The following MTMR3 variants were observed in gnomAD, a reference collection of about 807,000 sequenced individuals.
MTMR3 encodes myotubularin related protein 3.
In MTMR3, 32 loss-of-function variants were observed where a neutral mutation model predicts 132.4. The ratio of observed to expected loss-of-function variants is 0.24; its 90% CI spans 0.18 to 0.32. MTMR3 has a LOEUF of 0.32. MTMR3 is among the 10% of genes least tolerant of loss of function. The pLI is 1.00. For missense variants in MTMR3, 1,216 were observed against 1,489.6 expected (o/e 0.82, Z 3.02); for synonymous variants, 556 against 550.3 (o/e 1.01, Z -0.14).
chr22:29,887,511 G>A (rs975016300), intron 1 of MTMR3, among the ~76,000 whole-genome samples: 2 of 152,172 alleles, frequency 1.3e-5, no homozygotes, highest in African/African-American at 4.8e-5. Context: ...CAATATCACT[G>A]ATATGGCAAC....
chr22:29,903,221 T>G (rs1046743866), intron 1 of MTMR3, among the ~76,000 whole-genome samples: 12 of 151,836 alleles, frequency 7.9e-5, no homozygotes, highest in African/African-American at 2.9e-4. Context: ...TGAGACTCCA[T>G]CTCAAAAAAA....
chr22:30,020,338 C>T lies in MTMR3; in HGVS notation c.2679C>T (p.Pro893=). The T allele has an allele frequency of 6.2e-7, 1 of 1,614,186 alleles. No individual in the cohort carries two copies. Among genetic ancestry groups the T allele is most frequent in the Non-Finnish European group, 8.5e-7 (1 of 1,180,036 alleles). ...CAGAGACAAGCCTGGTCGAGAGGCC[C>T]CAAGTGGGGTCTGTGGTGCATAGGA... ...SPSETSLVER[P]QVGSVVHRTS... The change falls in exon 17 of 20, where the codon CCC becomes CCT. Residue 893 remains proline, a synonymous_variant. Transcript: ENST00000401950.
chr22:29,937,816 A>G (rs1262372565), intron 1 of MTMR3, among the ~76,000 whole-genome samples: 3 of 152,216 alleles, frequency 2.0e-5, no homozygotes, highest in Admixed American at 2.0e-4. Context: ...TTAAAAAATG[A>G]TGGAGCAAAC....
intron 14 of MTMR3, chr22:30,015,248 G>A (rs2067551094): frequency 6.7e-6 from 1 of 150,036 alleles, no homozygotes; most frequent in Non-Finnish European, 1.5e-5. Context: ...TAAGAGATGG[G>A]GTCTTGCTTT....
In MTMR3 at chr22:29,916,163, T is replaced by C. The variant is rs184011929; in HGVS notation, c.-138+32804T>C. Among the ~76,000 whole-genome samples, 6 of 152,322 alleles carry C rather than the reference T, an allele frequency of 3.9e-5. No homozygotes were observed. In the East Asian group the frequency reaches 1.2e-3, roughly 29 times the overall value. ...TGGGCCTGTAGAGGAGCCTTTGCCC[T>C]CGGGCTAGTTGAGCTGTGTTTATAA... On this transcript the variant is annotated intron_variant, in intron 1 of 19. Transcript: ENST00000401950.
chr22:29,983,930 C>T (rs1046469734), intron 5 of MTMR3: 4 of 151,902 alleles, frequency 2.6e-5, no homozygotes, highest in Admixed American at 2.6e-4. Context: ...AGCCACTGCA[C>T]TCAATTTTTT....
At position 30,020,167 on chromosome 22, in the gene MTMR3, G is replaced by A; in HGVS notation, c.2508G>A (p.Glu836=). The A allele has an allele frequency of 3.1e-6, 5 of 1,614,228 alleles. No homozygotes were observed. Among genetic ancestry groups the A allele is most frequent in the East Asian group, 4.5e-5 (2 of 44,884 alleles). ...CSLLPSQVPF[E]TRGPNVDSST... ...TGCTACCTTCCCAAGTCCCTTTTGA[G>A]ACCAGAGGACCAAACGTGGACAGTT... Residue 836 remains glutamate, a synonymous_variant, in exon 17 of 20, where the codon GAG becomes GAA. Transcript: ENST00000401950.
intron 1 of MTMR3, among the ~76,000 whole-genome samples, chr22:29,940,572 T>G (rs979722565): frequency 1.3e-4 from 19 of 147,534 alleles, no homozygotes; most frequent in Admixed American, 2.0e-4. Flanking sequence ...AAACTAGAAC[T>G]TTTTTTTTTC....
At chr22:29,974,260 G>A (rs1265099965) in intron 3 of MTMR3, among the ~76,000 whole-genome samples, 1 of 152,176 alleles carries the variant, frequency 6.6e-6, no homozygotes, top group African/African-American at 2.4e-5. Context: ...ACCATCTCAA[G>A]TTTGGCCTTC....
chr22:30,004,490 T>C (rs1003965936), intron 9 of MTMR3: 2 of 152,190 alleles, frequency 1.3e-5, no homozygotes, highest in African/African-American at 4.8e-5. Flanking sequence ...AATTTTATTC[T>C]AGAGGGCATG....
chr22:29,977,244 A>C (rs2066646925), intron 3 of MTMR3, among the ~76,000 whole-genome samples: 1 of 152,182 alleles, frequency 6.6e-6, no homozygotes, highest in East Asian at 1.9e-4. Context: ...ATTAGCTGTG[A>C]TTGTGCTGCT....
At chr22:29,897,276 C>T (rs1385424209) in intron 1 of MTMR3, among the ~76,000 whole-genome samples, 1 of 151,232 alleles carries the variant, frequency 6.6e-6, no homozygotes, top group Non-Finnish European at 1.5e-5. Context: ...AGGGTTTCAC[C>T]ATGTTGGCCA....
chr22:29,993,519 C>T (rs1353654859), intron 7 of MTMR3: 1 of 152,052 alleles, frequency 6.6e-6, no homozygotes, highest in Non-Finnish European at 1.5e-5. Flanking sequence ...GTTTAAGACC[C>T]CTGACTCCAA....
Position 30,020,737 on chromosome 22 carries a change from G to A in MTMR3, c.3078G>A (p.Thr1026=), listed in dbSNP as rs934339107. The A allele has an allele frequency of 5.6e-6, 9 of 1,614,104 alleles. No individual in the cohort carries two copies. Among genetic ancestry groups the A allele is most frequent in the African/African-American group, 4.0e-5 (3 of 74,940 alleles). The change falls in exon 17 of 20, where the codon ACG becomes ACA. Residue 1026 remains threonine, a synonymous_variant. Transcript: ENST00000401950. ...DDDGMSVYTD[T]IQQRLRQIES... ...ATGGCATGTCAGTGTACACAGACAC[G>A]ATCCAACAGCGCCTGCGTCAGATTG...
rs542609081 is a variant in MTMR3, at chr22:30,011,925, TTTTTC to T, written c.1122-423_1122-419del. On this transcript the variant is annotated intron_variant, in intron 12 of 19. Coordinates refer to ENST00000401950, the MANE Select transcript of MTMR3 (RefSeq NM_021090.4). ...TCATAGATATATTTGTATTCATGAG[TTTTTC>T]TTTTCTTTTCTTTTCTTTTTTTTTT... 468 of 152,418 alleles carry T rather than the reference TTTTTC, an allele frequency of 3.1e-3. 3 individuals carry two copies. Among genetic ancestry groups the T allele is most frequent in the African/African-American group, 8.7e-3 (322 of 36,886 alleles). 9.4% of individuals were successfully genotyped at this position (152,418 alleles called of 1,614,324 possible). A position where few individuals can be genotyped will look rare whatever the true frequency, so the allele number is the denominator to read the frequency against.
At chr22:29,938,468 TC>T (rs1401416575) in intron 1 of MTMR3, among the ~76,000 whole-genome samples, 1 of 152,212 alleles carries the variant, frequency 6.6e-6, no homozygotes, top group Non-Finnish European at 1.5e-5. Flanking sequence ...TTTGGGGACT[TC>T]CCCCAGCCCG....
At chr22:29,965,990 G>A (rs2066407828) in intron 2 of MTMR3, among the ~76,000 whole-genome samples, 1 of 152,084 alleles carries the variant, frequency 6.6e-6, no homozygotes. Context: ...TGGAGGTTTT[G>A]AGGTAGAATT....
At chr22:29,922,695 A>G (rs745664969) in intron 1 of MTMR3, among the ~76,000 whole-genome samples, 5 of 152,088 alleles carry the variant, frequency 3.3e-5, no homozygotes, top group Non-Finnish European at 1.5e-5. Flanking sequence ...ACTGGATCAT[A>G]TGGTCATTCT....
intron 1 of MTMR3, among the ~76,000 whole-genome samples, chr22:29,889,950 A>T (rs2064761940): frequency 7.7e-6 from 1 of 129,694 alleles, no homozygotes; most frequent in Non-Finnish European, 1.6e-5. Context: ...TTTGTCGCCC[A>T]GGCTGGAGTG....
Sources: allele counts gnomAD v4.1 joint callset (sites outside exome capture counted in the v4.1 genomes callset), GRCh38; gene constraint gnomAD v4.1.1; transcripts MANE v1.5; gene names NCBI Gene and HGNC (gene_info 2026-07-23, HGNC 2026-07-21).